PPM1K: variants seen among roughly 807,000 people sequenced by gnomAD.
The protein encoded by PPM1K is protein phosphatase, Mg2+/Mn2+ dependent 1K, also known as protein phosphatase Mn(2+)-dependent 1K.
Under a neutral mutation model 32.6 loss-of-function variants are expected in PPM1K, and 19 were observed. The observed-to-expected ratio is 0.58, with a 90% CI of 0.41 to 0.86. PPM1K has a LOEUF of 0.86. PPM1K is among the 40% of genes least tolerant of loss of function. The pLI is 0.00. For synonymous variants in PPM1K, 159 were observed against 165.3 expected, an observed-to-expected ratio of 0.96 and a Z score of 0.29; for missense variants, 362 against 461.2, an observed-to-expected ratio of 0.78 and a Z score of 1.97.
rs1310631702 is a variant in PPM1K, at chr4:88,278,553, T to G, written c.31A>C (p.Arg11=). Residue 11 remains arginine (R), a synonymous_variant, in exon 2 of 7, where the codon AGA becomes CGA. Transcript: ENST00000608933. This position sits in a 1 kb window ranked among gnomAD's most constrained non-coding sequence, Gnocchi z 4.2. The part of the protein sequence containing the change: MSTAALITLV[R]SGGNQVRRRV... ...CTTCTCACCTGGTTCCCACCACTTC[T>G]GACCAAAGTAATTAAGGCAGCTGTT... is the stretch of plus-strand genomic sequence containing the variant. 1 of 1,612,316 alleles carries G rather than the reference T, an allele frequency of 6.2e-7. No individual in the cohort carries two copies. The highest frequency in any genetic ancestry group is 1.3e-5 in the African/African-American group (1 of 74,958).
In PPM1K at chr4:88,278,454, C is replaced by G; in HGVS notation, c.130G>C (p.Glu44Gln). Reference sequence around the variant, plus strand: ...GGGTCAAACCGAGAACACCTAGGCTCTGAAGTGGAGCTGTGGCACGTGGGT... The same window carrying G: ...GGGTCAAACCGAGAACACCTAGGCTGTGAAGTGGAGCTGTGGCACGTGGGT... Reference protein sequence around the residue: ...VTPTCHSSTSEPRCSRFDPDG... With the variant: ...VTPTCHSSTSQPRCSRFDPDG... The change falls in exon 2 of 7, where the codon GAG (glutamate) becomes CAG (glutamine). Residue 44 changes from glutamate (E) to glutamine (Q), a missense_variant. Coordinates refer to ENST00000608933, the MANE Select transcript of PPM1K (RefSeq NM_152542.5). The surrounding 1 kb of genome is among the most constrained non-coding windows in gnomAD (Gnocchi z 4.2). The G allele has an allele frequency of 1.9e-6, 3 of 1,614,206 alleles. No individual in the cohort carries two copies. Among genetic ancestry groups the G allele is most frequent in the Non-Finnish European group, 1.7e-6 (2 of 1,180,034 alleles).
intron 1 of PPM1K, among the ~76,000 whole-genome samples, chr4:88,280,130 G>A (rs1462459331): frequency 6.6e-6 from 1 of 152,076 alleles, no homozygotes; most frequent in Non-Finnish European, 1.5e-5. Flanking sequence ...TTGTAGATAT[G>A]GGTTCTCACT....
rs1013284921 is a variant in PPM1K, at chr4:88,257,691, G to A, written c.*4904C>T. 1 of 152,182 alleles carries A rather than the reference G, an allele frequency of 6.6e-6. No individual in the cohort carries two copies. The highest frequency in any genetic ancestry group is 1.5e-5 in the Non-Finnish European group (1 of 68,034). The allele number at this position is 152,182 out of a possible 1,614,324, so 9.4% of individuals were successfully genotyped here. A position where few individuals can be genotyped will look rare whatever the true frequency, so the allele number is the denominator to read the frequency against. ...ATAATGTGATTTCATTCTGCTCACA[G>A]TTACTCTAGTACACAGATTTAAAAC... On this transcript the variant is annotated 3_prime_UTR_variant, in exon 7 of 7. Coordinates refer to ENST00000608933, the MANE Select transcript of PPM1K (RefSeq NM_152542.5).
intron 5 of PPM1K, 39 bp downstream of exon 5, chr4:88,268,151 C>T: frequency 6.2e-7 from 1 of 1,606,586 alleles, no homozygotes; most frequent in Non-Finnish European, 8.5e-7. Context: ...TACATTCACT[C>T]TCCGCAGGTT....
In PPM1K at chr4:88,262,736, T is replaced by G. The variant is rs1338506543; in HGVS notation, c.988-10A>C. The stretch of plus-strand genomic sequence containing the variant: ...TACCGTACTGTATTGCCTGCAAGGT[T>G]TGGCAGGAAGAAAGAGAAAAACATT... On this transcript the variant is annotated splice_polypyrimidine_tract_variant and intron_variant, in intron 6 of 6. Transcript: ENST00000608933. 3.1e-6 allele frequency: 5 copies of G among 1,590,934 alleles called. No individual in the cohort carries two copies. Among genetic ancestry groups the G allele is most frequent in the East Asian group, 2.3e-5 (1 of 43,986 alleles).
rs563520882 is a variant in PPM1K, at chr4:88,266,607, G to A, written c.853-1472C>T. On this transcript the variant is annotated intron_variant, in intron 5 of 6. Coordinates refer to ENST00000608933, the MANE Select transcript of PPM1K (RefSeq NM_152542.5). Reference sequence around the variant, plus strand: ...TGATGCTGGCTGACTGGGTGCAGGTGATGTTGGCTGATTGGGTGCAGGTGA... The same window carrying A: ...TGATGCTGGCTGACTGGGTGCAGGTAATGTTGGCTGATTGGGTGCAGGTGA... Among the ~76,000 whole-genome samples, 12 of 151,332 alleles carry A rather than the reference G, an allele frequency of 7.9e-5. No homozygotes were observed. In the East Asian group the frequency reaches 1.8e-3, roughly 22 times the overall value.
rs1485844834 is a variant in PPM1K, at chr4:88,284,501, C to T, written c.-155G>A. On this transcript the variant is annotated 5_prime_UTR_variant, in exon 1 of 7. Coordinates refer to ENST00000608933, the MANE Select transcript of PPM1K (RefSeq NM_152542.5). ...CGGTAAATAAGAGTGCCTTCTCCGT[C>T]GTCTCGGATCTCCGAAGCAAGCAGT... The T allele has an allele frequency of 6.6e-6, 1 of 152,272 alleles. No homozygotes were observed. The highest frequency in any genetic ancestry group is 1.5e-5 in the Non-Finnish European group (1 of 68,052). 9.4% of individuals were successfully genotyped at this position (152,272 alleles called of 1,614,324 possible). A position where few individuals can be genotyped will look rare whatever the true frequency, so the allele number is the denominator to read the frequency against.
chr4:88,281,523 C>T (rs1732004756), intron 1 of PPM1K, among the ~76,000 whole-genome samples: 1 of 152,170 alleles, frequency 6.6e-6, no homozygotes, highest in African/African-American at 2.4e-5. Context: ...AACCTGGCAT[C>T]CTTCCTCGTG....
intron 1 of PPM1K, among the ~76,000 whole-genome samples, chr4:88,283,548 G>A (rs1039542787): frequency 2.6e-5 from 4 of 152,268 alleles, no homozygotes; most frequent in East Asian, 1.9e-4. Context: ...AGAAAAGCCC[G>A]TGGAGCTTTT....
At chr4:88,272,554 C>T (rs556019871) in intron 3 of PPM1K, among the ~76,000 whole-genome samples, 14 of 150,804 alleles carry the variant, frequency 9.3e-5, no homozygotes, top group African/African-American at 3.5e-4. Flanking sequence ...TTCTAAGTGG[C>T]TATCTCTTTA....
At chr4:88,265,607 C>A (rs114295837) in intron 5 of PPM1K, among the ~76,000 whole-genome samples, 8,095 of 152,134 alleles carry the variant, frequency 0.053, 695 homozygotes, top group African/African-American at 0.18. Flanking sequence ...GAGAACAGAC[C>A]AATACATAGG....
At chr4:88,275,067 A>T in intron 3 of PPM1K, 2 of 810,182 alleles carry the variant, frequency 2.5e-6, no homozygotes, top group Non-Finnish European at 3.0e-6. Flanking sequence ...CAAACAAATT[A>T]CCATTATATG....
intron 3 of PPM1K, 50 bp from the exon 4 acceptor site, chr4:88,268,956 T>C (rs754048070): frequency 6.8e-7 from 1 of 1,463,838 alleles, no homozygotes; most frequent in South Asian, 1.2e-5. Context: ...GTCAAATGAT[T>C]GGATATGGAA....
At chr4:88,266,613 G>GGCTGATTGGGTGCAGGTGAT (rs1379719612) in intron 5 of PPM1K, among the ~76,000 whole-genome samples, 3 of 148,910 alleles carry the variant, frequency 2.0e-5, no homozygotes, top group African/African-American at 2.5e-5. Flanking sequence ...AGGTGATGTT[G>GGCTGATTGGGTGCAGGTGAT]GCTGATTGGG....
At chr4:88,266,503 ATGGGTGCAGGTGATGCTGAT>A (rs1467115694) in intron 5 of PPM1K, among the ~76,000 whole-genome samples, 6 of 106,632 alleles carry the variant, frequency 5.6e-5, no homozygotes, top group Admixed American at 9.6e-5. Flanking sequence ...TGCTGGCTGA[ATGGGTGCAGGTGATGCTGAT>A]TGGGTGCAGG....
chr4:88,269,543 T>C (rs1427593513), intron 3 of PPM1K, among the ~76,000 whole-genome samples: 1 of 152,190 alleles, frequency 6.6e-6, no homozygotes, highest in Non-Finnish European at 1.5e-5. Flanking sequence ...TTTATCTTTG[T>C]CCTCCCTAGA....
chr4:88,265,176 C>G (rs751665338), intron 5 of PPM1K, 41 bp from the exon 6 acceptor site: 20 of 1,611,720 alleles, frequency 1.2e-5, no homozygotes, highest in Non-Finnish European at 1.7e-5. Context: ...AAGCTAGACT[C>G]TGCCTTAGCA....
intron 5 of PPM1K, among the ~76,000 whole-genome samples, chr4:88,265,480 C>T (rs1439425825): frequency 3.3e-5 from 5 of 152,164 alleles, no homozygotes; most frequent in African/African-American, 1.2e-4. Flanking sequence ...TGACTTTGCT[C>T]CTCTTTCACC....
Position 88,268,278 on chromosome 4 carries a change from TTTACGTGAG to T in PPM1K, c.755_763del (p.Pro252_Asn255delinsHis). 6.2e-7 allele frequency: 1 copy of T among 1,614,138 alleles called. No homozygotes were observed. Among genetic ancestry groups the T allele is most frequent in the Non-Finnish European group, 8.5e-7 (1 of 1,180,008 alleles). Reference sequence around the variant, plus strand: ...ACTTCTTGTCATTGCAAGCCTGCCATTTACGTGAGGCTGCCCCAAACTATTCCAAGCTAC... The same window carrying T: ...ACTTCTTGTCATTGCAAGCCTGCCATGCTGCCCCAAACTATTCCAAGCTAC... On this transcript the variant is annotated inframe_deletion, in exon 5 of 7. Coordinates refer to ENST00000608933, the MANE Select transcript of PPM1K (RefSeq NM_152542.5).
Sources: gnomAD v4.1 joint callset for allele counts (sites outside exome capture counted in the v4.1 genomes callset) on GRCh38, gnomAD v4.1.1 for gene constraint, Gnocchi (gnomAD v3.1) non-coding constraint, MANE v1.5 for transcripts, NCBI Gene and HGNC (gene_info 2026-07-23, HGNC 2026-07-21) for gene names.